The following TTC17 variants were observed in gnomAD, a reference collection of about 807,000 sequenced individuals.
TTC17 encodes the protein tetratricopeptide repeat protein 17.
TTC17 carries 58 observed loss-of-function variants against 143.8 expected under a neutral mutation model. That is an observed-to-expected ratio of 0.40 (90% CI 0.33 to 0.50). The LOEUF (loss-of-function observed/expected upper bound fraction) is 0.50, where lower values mean the gene tolerates loss of function less well. TTC17 is among the 20% of genes least tolerant of loss of function. TTC17 has a pLI of 0.49. For synonymous variants in TTC17, 501 were observed against 497.8 expected (o/e 1.01, Z -0.09); for missense variants, 1,273 against 1,392.5 (o/e 0.91, Z 1.37).
chr11:43,361,994 T>A (rs2134424466), intron 1 of TTC17, among the ~76,000 whole-genome samples: 1 of 151,750 alleles, frequency 6.6e-6, no homozygotes, highest in East Asian at 1.9e-4. Flanking sequence ...TTTTTTTTTT[T>A]TTTGAGATGG....
At chr11:43,445,539 A>G (rs1565170737) in intron 18 of TTC17, among the ~76,000 whole-genome samples, 1 of 152,222 alleles carries the variant, frequency 6.6e-6, no homozygotes, top group Non-Finnish European at 1.5e-5. Flanking sequence ...CTAAAAATTT[A>G]TTATAAAAGT....
At chr11:43,421,626 A>G (rs947474496) in intron 16 of TTC17, among the ~76,000 whole-genome samples, 9 of 152,186 alleles carry the variant, frequency 5.9e-5, no homozygotes, top group African/African-American at 2.2e-4. Context: ...CACGGGATCT[A>G]GGTTACACGA....
chr11:43,414,125 A>T (rs907145741), intron 15 of TTC17, among the ~76,000 whole-genome samples: 22 of 152,348 alleles, frequency 1.4e-4, no homozygotes, highest in African/African-American at 5.1e-4. Context: ...TGATGTATAC[A>T]GAAGCATGAA....
At chr11:43,397,550 T>TTTC in intron 7 of TTC17, 59 bp downstream of exon 7, 1 of 1,473,802 alleles carries the variant, frequency 6.8e-7, no homozygotes, top group Non-Finnish European at 9.0e-7. Context: ...TTTTTTTTTT[T>TTTC]TTTCTCCCCC....
intron 21 of TTC17, among the ~76,000 whole-genome samples, chr11:43,481,849 G>A (rs970720768): frequency 1.3e-5 from 2 of 151,874 alleles, no homozygotes; most frequent in South Asian, 2.1e-4. Context: ...TCGCTCTGTC[G>A]CCCAGGCTGG....
intron 1 of TTC17, among the ~76,000 whole-genome samples, chr11:43,373,896 G>A (rs562302547): frequency 2.0e-5 from 3 of 152,306 alleles, no homozygotes; most frequent in Middle Eastern, 3.4e-3. Context: ...CAGGGAAGAT[G>A]ATCTGTTTAA....
chr11:43,391,586 G>T lies in TTC17; in HGVS notation c.531+10G>T. 6.8e-7 allele frequency: 1 copy of T among 1,481,244 alleles called. No homozygotes were observed. The highest frequency in any genetic ancestry group is 1.3e-5 in the South Asian group (1 of 78,602). The allele number at this position is 1,481,244 out of a possible 1,614,324, so 91.8% of individuals were successfully genotyped here. On this transcript the variant is annotated intron_variant, in intron 4 of 23. Coordinates refer to ENST00000039989, the MANE Select transcript of TTC17 (RefSeq NM_018259.6). ...TTTTCAGCACTTGAGAGTAAGTAGA[G>T]AACTTTAGGATTTTTTTTTTTTTGC... is the stretch of plus-strand genomic sequence containing the variant.
chr11:43,446,462 C>A (rs1325378335), intron 18 of TTC17: 1 of 299,092 alleles, frequency 3.3e-6, no homozygotes, highest in African/African-American at 2.3e-5. Flanking sequence ...CCCCTAGTGT[C>A]TTTTATGGTT....
chr11:43,474,759 C>T (rs1004320240), intron 21 of TTC17, among the ~76,000 whole-genome samples: 1 of 152,156 alleles, frequency 6.6e-6, no homozygotes, highest in African/African-American at 2.4e-5. Context: ...TATTGACTGG[C>T]AGCCTTATGA....
At chr11:43,438,505 T>C (rs1947342315) in intron 16 of TTC17, among the ~76,000 whole-genome samples, 1 of 152,238 alleles carries the variant, frequency 6.6e-6, no homozygotes, top group Non-Finnish European at 1.5e-5. Context: ...ACTCTTTCTC[T>C]TTTGTGAGAC....
intron 1 of TTC17, 168 bp downstream of exon 1, chr11:43,359,281 C>G (rs540874191): frequency 5.0e-6 from 4 of 807,592 alleles, no homozygotes; most frequent in Non-Finnish European, 7.3e-6. Context: ...GCAGGCACTT[C>G]CCGCTCCCCA....
chr11:43,392,085 T>C, intron 5 of TTC17, 133 bp downstream of exon 5: 1 of 1,016,734 alleles, frequency 9.8e-7, no homozygotes, highest in Non-Finnish European at 1.4e-6. Flanking sequence ...TACACTTACA[T>C]TGATGCAAAT....
Position 43,399,914 on chromosome 11 carries a change from TAA to T in TTC17, c.1088_1089del (p.Lys363ArgfsTer7). 1 of 1,613,418 alleles carries T rather than the reference TAA, an allele frequency of 6.2e-7. No homozygotes were observed. Reference sequence around the variant, plus strand: ...TCTCTCCAGCGAACACTGAATGAGTTAAAAGAGTATCAAAAGCAGCATGACCA... The same window carrying T: ...TCTCTCCAGCGAACACTGAATGAGTTAAGAGTATCAAAAGCAGCATGACCA... On this transcript the variant is annotated frameshift_variant, in exon 9 of 24. Transcript: ENST00000039989. LOFTEE classifies it high-confidence loss of function.
chr11:43,446,262 A>G (rs1056702631), intron 18 of TTC17: 3 of 991,814 alleles, frequency 3.0e-6, no homozygotes, highest in Non-Finnish European at 3.9e-6. Context: ...ACTCATCCTT[A>G]AACTTCAAAA....
chr11:43,370,087 A>G (rs1301885290), intron 1 of TTC17: 1 of 455,602 alleles, frequency 2.2e-6, no homozygotes, highest in Non-Finnish European at 4.4e-6. Context: ...AGTTATAGCC[A>G]GGAGCCCATG....
chr11:43,481,418 G>C (rs1332147466), intron 21 of TTC17, among the ~76,000 whole-genome samples: 1 of 152,166 alleles, frequency 6.6e-6, no homozygotes, highest in Non-Finnish European at 1.5e-5. Flanking sequence ...TAATGAGTTG[G>C]AGGTGTTTCC....
At chr11:43,414,903 T>A (rs1447819949) in intron 16 of TTC17, 127 bp downstream of exon 16, 1 of 995,102 alleles carries the variant, frequency 1.0e-6, no homozygotes, top group East Asian at 2.6e-5. Context: ...TAATTCCAGA[T>A]GCATAGGAAA....
At chr11:43,399,790 A>T in intron 8 of TTC17, 98 bp from the exon 9 acceptor site, 1 of 1,201,544 alleles carries the variant, frequency 8.3e-7, no homozygotes, top group Non-Finnish European at 1.2e-6. Flanking sequence ...AACACACAGT[A>T]ATTGTTGCTG....
intron 16 of TTC17, among the ~76,000 whole-genome samples, chr11:43,427,519 A>G (rs998953135): frequency 6.6e-6 from 1 of 152,142 alleles, no homozygotes; most frequent in Non-Finnish European, 1.5e-5. Context: ...CTGCTTTGCT[A>G]GTTTGATGAG....
Sources: allele counts gnomAD v4.1 joint callset (sites outside exome capture counted in the v4.1 genomes callset), GRCh38; gene constraint gnomAD v4.1.1; transcripts MANE v1.5; gene names NCBI Gene and HGNC (gene_info 2026-07-23, HGNC 2026-07-21).